RBM19: variants seen among roughly 807,000 people sequenced by gnomAD.
The protein encoded by RBM19 is RNA binding motif protein 19.
A neutral mutation model predicts 116.8 loss-of-function variants in RBM19; 94 were observed. That is an observed-to-expected ratio of 0.80 (90% confidence interval 0.68 to 0.95). RBM19 has a LOEUF of 0.95. RBM19 is among the 40% of genes least tolerant of loss of function. RBM19 has a pLI of 0.00. For synonymous variants in RBM19, 475 were observed against 494.1 expected (o/e 0.96, Z 0.51); for missense variants, 1,161 against 1,220.7 (o/e 0.95, Z 0.73).
In RBM19 at chr12:113,945,702, G is replaced by A. The variant is rs989528338; in HGVS notation, c.1626+126C>T. ...CACCTTCCATTCCAGAGGCCTCTGGGAAGGCCCAAGAGGAAAGCCCTGGCG... is the reference window on the plus strand; with the variant it reads ...CACCTTCCATTCCAGAGGCCTCTGGAAAGGCCCAAGAGGAAAGCCCTGGCG... On this transcript the variant is annotated intron_variant, in intron 13 of 23. Coordinates refer to ENST00000261741, the MANE Select transcript of RBM19 (RefSeq NM_016196.4). 6.8e-6 allele frequency: 5 copies of A among 736,900 alleles called. No individual in the cohort carries two copies. In the African/African-American group the frequency reaches 7.1e-5, roughly 11 times the overall value. 45.6% of individuals were successfully genotyped at this position (736,900 alleles called of 1,614,324 possible). A position where few individuals can be genotyped will look rare whatever the true frequency, so the allele number is the denominator to read the frequency against.
intron 16 of RBM19, among the ~76,000 whole-genome samples, chr12:113,929,384 T>G (rs1471809637): frequency 6.6e-6 from 1 of 152,172 alleles, no homozygotes; most frequent in African/African-American, 2.4e-5. Flanking sequence ...CTCCCTCGGA[T>G]AAGCCCAGAA....
chr12:113,882,664 T>C (rs954639265), intron 21 of RBM19, among the ~76,000 whole-genome samples: 1 of 152,194 alleles, frequency 6.6e-6, no homozygotes, highest in Non-Finnish European at 1.5e-5. Context: ...GCGGGGCCCA[T>C]GCCGAGCCCA....
At chr12:113,941,919 G>A (rs2135909655) in intron 14 of RBM19, among the ~76,000 whole-genome samples, 1 of 152,338 alleles carries the variant, frequency 6.6e-6, no homozygotes, top group Middle Eastern at 3.4e-3. Context: ...CTAAGCTGCA[G>A]TCATCCATAA....
intron 14 of RBM19, among the ~76,000 whole-genome samples, chr12:113,941,228 G>T (rs1870541161): frequency 6.6e-6 from 1 of 152,160 alleles, no homozygotes; most frequent in Admixed American, 6.5e-5. Flanking sequence ...GAGGTGAGGG[G>T]AGTGAAAACC....
At chr12:113,823,806 C>T (rs1484577528) in intron 23 of RBM19, among the ~76,000 whole-genome samples, 1 of 152,094 alleles carries the variant, frequency 6.6e-6, no homozygotes, top group Non-Finnish European at 1.5e-5. Context: ...AGAGGCTGGA[C>T]CAAGCAGTGG....
At chr12:113,945,769 C>T (rs1870956499) in intron 13 of RBM19, 59 bp downstream of exon 13, 1 of 1,406,816 alleles carries the variant, frequency 7.1e-7, no homozygotes, top group African/African-American at 1.4e-5. Context: ...GAGCCTCCTG[C>T]TCTTTCTCCC....
chr12:113,887,466 TC>T (rs1421390366), intron 21 of RBM19, among the ~76,000 whole-genome samples: 2 of 151,646 alleles, frequency 1.3e-5, no homozygotes, highest in East Asian at 4.0e-4. Context: ...TGAAACCCCG[TC>T]TCTGCTAAAA....
chr12:113,882,240 C>G (rs924875148), intron 21 of RBM19, among the ~76,000 whole-genome samples: 1 of 152,182 alleles, frequency 6.6e-6, no homozygotes, highest in African/African-American at 2.4e-5. Context: ...TTGCATAGGA[C>G]AGGCACCAGG....
At chr12:113,914,261 G>C (rs2135851940) in intron 21 of RBM19, among the ~76,000 whole-genome samples, 1 of 152,362 alleles carries the variant, frequency 6.6e-6, no homozygotes, top group Middle Eastern at 3.4e-3. Flanking sequence ...GATGACCAGA[G>C]AGAGGCCCGC....
At chr12:113,877,073 C>G (rs371984728) in intron 21 of RBM19, among the ~76,000 whole-genome samples, 2 of 152,222 alleles carry the variant, frequency 1.3e-5, no homozygotes, top group Non-Finnish European at 2.9e-5. Context: ...CCCATGCCCC[C>G]ACTGGGCTGC....
chr12:113,908,573 CAAAAAAAAAAAAAAAAAA>C (rs11338829), intron 21 of RBM19, among the ~76,000 whole-genome samples: 22 of 33,222 alleles, frequency 6.6e-4, no homozygotes, highest in Non-Finnish European at 1.0e-3. Context: ...AAGAAAATAG[CAAAAAAAAAAAAAAAAAA>C]AAAAAAAAAA....
At chr12:113,847,056 T>C (rs1458792648) in intron 22 of RBM19, among the ~76,000 whole-genome samples, 2 of 152,174 alleles carry the variant, frequency 1.3e-5, no homozygotes, top group African/African-American at 2.4e-5. Context: ...CGTTTTGTTA[T>C]AGTAGCCCTA....
At chr12:113,841,118 GCT>G (rs550249854) in intron 23 of RBM19, among the ~76,000 whole-genome samples, 49 of 152,292 alleles carry the variant, frequency 3.2e-4, no homozygotes, top group African/African-American at 8.7e-4. Flanking sequence ...GAAACACATG[GCT>G]CTGACACTCA....
At chr12:113,820,994 G>A (rs1027646602), downstream of RBM19, among the ~76,000 whole-genome samples, 3 of 152,330 alleles carry the variant, frequency 2.0e-5, no homozygotes, top group South Asian at 6.2e-4. Context: ...TGTGAGCCCT[G>A]GCAGGGGCCT....
Sources: allele counts gnomAD v4.1 joint callset (sites outside exome capture counted in the v4.1 genomes callset), GRCh38; gene constraint gnomAD v4.1.1; transcripts MANE v1.5; gene names NCBI Gene and HGNC (gene_info 2026-07-23, HGNC 2026-07-21).